The following JAKMIP1 variants were observed in gnomAD, a reference collection of about 807,000 sequenced individuals.
JAKMIP1 encodes the protein janus kinase and microtubule-interacting protein 1.
Under a neutral mutation model 113.0 loss-of-function variants are expected in JAKMIP1, and 33 were observed. That is an observed-to-expected ratio of 0.29 (90% CI 0.22 to 0.39). JAKMIP1 has a LOEUF of 0.39. JAKMIP1 is among the 10% of genes least tolerant of loss of function. The pLI is 1.00. For synonymous variants in JAKMIP1, 480 were observed against 459.9 expected (o/e 1.04, Z -0.56); for missense variants, 813 against 1,080.5 (o/e 0.75, Z 3.47).
intron 16 of JAKMIP1, among the ~76,000 whole-genome samples, chr4:6,047,836 G>A (rs1489211129): frequency 2.0e-5 from 3 of 152,180 alleles, no homozygotes; most frequent in African/African-American, 7.2e-5. Context: ...ACAAACAGTT[G>A]TATATTTCTA....
At chr4:6,149,459 G>T (rs886969631) in intron 1 of JAKMIP1, among the ~76,000 whole-genome samples, 1 of 152,148 alleles carries the variant, frequency 6.6e-6, no homozygotes, top group African/African-American at 2.4e-5. Context: ...TGGAGTCCCA[G>T]TGAAATCTAG....
rs1477054054 is a variant in JAKMIP1, at chr4:6,135,988, G to A, written c.-147-22991C>T. Among the ~76,000 whole-genome samples, 3 of 152,180 alleles carry A rather than the reference G, an allele frequency of 2.0e-5. No individual in the cohort carries two copies. The highest frequency in any genetic ancestry group is 6.5e-5 in the Admixed American group (1 of 15,288). On this transcript the variant is annotated intron_variant, in intron 1 of 20. Transcript: ENST00000409021. The surrounding 1 kb of genome is among the most constrained non-coding windows in gnomAD (Gnocchi z 4.9). ...AGGCTGGGCACAGTGGCTCACACCTGTAATCCCAGCACTTTGAGAGGCCAA... is the reference window on the plus strand; with the variant it reads ...AGGCTGGGCACAGTGGCTCACACCTATAATCCCAGCACTTTGAGAGGCCAA...
At chr4:6,172,243 C>T (rs1022828010) in intron 1 of JAKMIP1, among the ~76,000 whole-genome samples, 1 of 152,178 alleles carries the variant, frequency 6.6e-6, no homozygotes, top group Non-Finnish European at 1.5e-5. Flanking sequence ...GAGCACTGGC[C>T]GAGAAGCCAG....
intron 1 of JAKMIP1, among the ~76,000 whole-genome samples, chr4:6,164,060 T>C (rs538979285): frequency 6.3e-4 from 96 of 152,336 alleles, no homozygotes; most frequent in Admixed American, 1.4e-3. Flanking sequence ...GCTAACATCA[T>C]TCATGAAGGT....
chr4:6,056,138 G>C (rs1716410361), intron 12 of JAKMIP1, among the ~76,000 whole-genome samples: 1 of 150,828 alleles, frequency 6.6e-6, no homozygotes, highest in Non-Finnish European at 1.5e-5. Flanking sequence ...GGTGTCCTTA[G>C]AGAACAAGGA....
intron 3 of JAKMIP1, among the ~76,000 whole-genome samples, chr4:6,091,781 C>T (rs1358640599): frequency 6.6e-6 from 1 of 152,198 alleles, no homozygotes; most frequent in Admixed American, 6.5e-5. Flanking sequence ...AGCTCTTCTG[C>T]CATTCTTGGC....
intron 12 of JAKMIP1, among the ~76,000 whole-genome samples, chr4:6,056,430 AC>A (rs1716475133): frequency 6.6e-6 from 1 of 150,902 alleles, no homozygotes; most frequent in East Asian, 1.9e-4. Flanking sequence ...GCCTGGGAAG[AC>A]AGGCCAGGCC....
chr4:6,141,121 G>A lies in JAKMIP1; in HGVS notation c.-147-28124C>T, dbSNP rs1286555431. ...ATCCTAATTGTATCGCGTAGAATGA[G>A]AAGCAGCTACCAACATTTAAAGTGG... On this transcript the variant is annotated intron_variant, in intron 1 of 20. Transcript: ENST00000409021. The surrounding 1 kb of genome is among the most constrained non-coding windows in gnomAD (Gnocchi z 9.4). Among the ~76,000 whole-genome samples the A allele has an allele frequency of 1.3e-5, 2 of 152,212 alleles. No individual in the cohort carries two copies. Among genetic ancestry groups the A allele is most frequent in the African/African-American group, 2.4e-5 (1 of 41,434 alleles).
At chr4:6,148,074 G>T (rs543896120) in intron 1 of JAKMIP1, among the ~76,000 whole-genome samples, 2 of 152,300 alleles carry the variant, frequency 1.3e-5, no homozygotes, top group South Asian at 4.1e-4. Context: ...TACTAAGCAG[G>T]TGCTCAGAGA....
intron 1 of JAKMIP1, among the ~76,000 whole-genome samples, chr4:6,148,297 G>T (rs1268928752): frequency 6.6e-6 from 1 of 152,216 alleles, no homozygotes; most frequent in African/African-American, 2.4e-5. Context: ...GCCCCAGGAG[G>T]CAATTTACCT....
chr4:6,131,487 T>C (rs1237600249), intron 1 of JAKMIP1, among the ~76,000 whole-genome samples: 1 of 152,004 alleles, frequency 6.6e-6, no homozygotes, highest in Non-Finnish European at 1.5e-5. Context: ...CCCAATGCTT[T>C]GGGAGGCTGA....
rs904188981 is a variant in JAKMIP1, at chr4:6,157,751, G to A, written c.-148+42502C>T. Among the ~76,000 whole-genome samples, 6 of 152,306 alleles carry A rather than the reference G, an allele frequency of 3.9e-5. No individual in the cohort carries two copies. The highest frequency in any genetic ancestry group is 7.2e-5 in the African/African-American group (3 of 41,572). The stretch of plus-strand genomic sequence containing the variant: ...CTGAGCAGGTTAGATATGCCTCTCC[G>A]TAAACACCAGCCATGAAGCAGCACA... On this transcript the variant is annotated intron_variant, in intron 1 of 20. Coordinates refer to ENST00000409021, the MANE Select transcript of JAKMIP1 (RefSeq NM_001099433.2). This position sits in a 1 kb window ranked among gnomAD's most constrained non-coding sequence, Gnocchi z 4.7.
chr4:6,036,414 G>A (rs1314663511), intron 18 of JAKMIP1, among the ~76,000 whole-genome samples: 1 of 152,212 alleles, frequency 6.6e-6, no homozygotes, highest in Non-Finnish European at 1.5e-5. Flanking sequence ...TCAAACAGAG[G>A]TGCAATTCAC....
At chr4:6,072,861 T>C (rs549442935) in intron 8 of JAKMIP1, among the ~76,000 whole-genome samples, 20 of 152,144 alleles carry the variant, frequency 1.3e-4, no homozygotes, top group Non-Finnish European at 1.3e-4. Flanking sequence ...GGCAGGTCAC[T>C]TGAGGTCAGG....
chr4:6,120,486 A>G (rs1716555663), intron 1 of JAKMIP1, among the ~76,000 whole-genome samples: 1 of 152,212 alleles, frequency 6.6e-6, no homozygotes, highest in Admixed American at 6.5e-5. Context: ...TGATGGCTGA[A>G]TGAGCAAAGG....
chr4:6,115,165 T>C (rs1370642715), intron 1 of JAKMIP1, among the ~76,000 whole-genome samples: 3 of 152,264 alleles, frequency 2.0e-5, no homozygotes, highest in East Asian at 3.9e-4. Flanking sequence ...TCCCAGCACT[T>C]TGGGAGGCCG....
chr4:6,122,350 G>C (rs922883674), intron 1 of JAKMIP1, among the ~76,000 whole-genome samples: 4 of 151,998 alleles, frequency 2.6e-5, no homozygotes, highest in Admixed American at 6.5e-5. Flanking sequence ...ATAAAATAGC[G>C]TAGACAAATA....
At chr4:6,119,644 A>G (rs1716412332) in intron 1 of JAKMIP1, among the ~76,000 whole-genome samples, 1 of 152,222 alleles carries the variant, frequency 6.6e-6, no homozygotes, top group Admixed American at 6.5e-5. Flanking sequence ...TCAGAACACG[A>G]GTCTGAATAA....
intron 1 of JAKMIP1, among the ~76,000 whole-genome samples, chr4:6,132,784 G>A (rs933769844): frequency 6.6e-6 from 1 of 151,984 alleles, no homozygotes; most frequent in African/African-American, 2.4e-5. Context: ...AAATGTCAAC[G>A]GTCTAAATAC....
Sources: gnomAD v4.1 joint callset for allele counts (sites outside exome capture counted in the v4.1 genomes callset) on GRCh38, gnomAD v4.1.1 for gene constraint, Gnocchi (gnomAD v3.1) non-coding constraint, MANE v1.5 for transcripts, NCBI Gene and HGNC (gene_info 2026-07-23, HGNC 2026-07-21) for gene names.